Variants in RMDN2 observed in about 807,000 individuals in gnomAD.
RMDN2 encodes the protein regulator of microtubule dynamics protein 2.
Under a neutral mutation model 52.8 loss-of-function variants are expected in RMDN2, and 61 were observed. The observed-to-expected ratio is 1.16, with a 90% CI of 0.94 to 1.43. The LOEUF is 1.43. Among genes scored for constraint, RMDN2 ranks in the 40% most tolerant of loss-of-function variants. The probability of loss-of-function intolerance (pLI) is 0.00; values close to 1 mark genes in which losing one functional copy is unlikely to be tolerated. For synonymous variants in RMDN2, 180 were observed against 153.1 expected, an observed-to-expected ratio of 1.18 and a Z score of -1.30; for missense variants, 592 against 475.3, an observed-to-expected ratio of 1.25 and a Z score of -2.28.
intron 5 of RMDN2, among the ~76,000 whole-genome samples, chr2:37,987,904 C>T (rs1408642370): frequency 1.3e-5 from 2 of 151,968 alleles, no homozygotes; most frequent in Admixed American, 1.3e-4. Context: ...ACTAAAAATA[C>T]AAAAATTAGC....
At position 38,055,601 on chromosome 2, in the gene RMDN2, T is replaced by A. The variant is rs79260175; in HGVS notation, c.1714-11381T>A. On this transcript the variant is annotated intron_variant, in intron 10 of 10. Transcript: ENST00000234195. ...TCTTTTCATACAGTCATTTTTGAAG[T>A]ATCAGCTTGGTCCTCAGGTTAGCTC... Among the ~76,000 whole-genome samples, 62 of 152,264 alleles carry A rather than the reference T, an allele frequency of 4.1e-4. No individual in the cohort carries two copies. The East Asian group carries it at 9.5e-3, about 23-fold the overall frequency.
At chr2:37,984,647 C>G (rs1001319991) in intron 5 of RMDN2, among the ~76,000 whole-genome samples, 1 of 152,036 alleles carries the variant, frequency 6.6e-6, no homozygotes, top group Admixed American at 6.6e-5. Context: ...AGAAATACTG[C>G]AGGGAAATTA....
intron 8 of RMDN2, among the ~76,000 whole-genome samples, chr2:38,002,597 T>C (rs986770683): frequency 2.6e-5 from 4 of 152,360 alleles, no homozygotes; most frequent in Admixed American, 1.3e-4. Flanking sequence ...CTGTAAATTA[T>C]ATATATGTAA....
At chr2:38,051,131 G>A (rs576048124) in intron 10 of RMDN2, among the ~76,000 whole-genome samples, 17 of 152,294 alleles carry the variant, frequency 1.1e-4, no homozygotes, top group Non-Finnish European at 2.5e-4. Context: ...GATTAAGCTA[G>A]ACTTGAGGGC....
intron 10 of RMDN2, among the ~76,000 whole-genome samples, chr2:38,053,693 A>G (rs1681727858): frequency 6.6e-6 from 1 of 152,214 alleles, no homozygotes; most frequent in African/African-American, 2.4e-5. Context: ...GCTAAGTTGA[A>G]TTAATTTTCA....
intron 10 of RMDN2, among the ~76,000 whole-genome samples, chr2:38,052,197 T>TGATAATA: frequency 6.6e-6 from 1 of 152,234 alleles, no homozygotes; most frequent in Non-Finnish European, 1.5e-5. Flanking sequence ...TTGGTCTTTT[T>TGATAATA]GATAATAGAC....
intron 10 of RMDN2, among the ~76,000 whole-genome samples, chr2:38,010,800 A>C (rs1677872065): frequency 6.6e-6 from 1 of 152,006 alleles, no homozygotes; most frequent in South Asian, 2.1e-4. Context: ...CTTCTGCATC[A>C]CTCACGCTCG....
In RMDN2 at chr2:37,997,460, G is replaced by C. The variant is rs760876836; in HGVS notation, c.990G>C (p.Leu330=). 6 of 1,613,912 alleles carry C rather than the reference G, an allele frequency of 3.7e-6. No homozygotes were observed. The highest frequency in any genetic ancestry group is 4.2e-6 in the Non-Finnish European group (5 of 1,179,884). ...TTGAGAAAAAAATGGCTGCTACTCT[G>C]TTTGGAAAAATACCATCTTCAACTG... ...SWIEKKMAAT[L]FGKIPSSTVQ... The change falls in exon 8 of 11, where the codon CTG becomes CTC. Residue 330 remains leucine, a synonymous_variant. Coordinates refer to ENST00000354545, the MANE Select transcript of RMDN2 (RefSeq NM_001170791.3).
At chr2:37,979,507 G>T (rs1315223486) in intron 4 of RMDN2, among the ~76,000 whole-genome samples, 1 of 152,216 alleles carries the variant, frequency 6.6e-6, no homozygotes, top group African/African-American at 2.4e-5. Flanking sequence ...GCTTAGTACA[G>T]ATTTGATCAC....
At chr2:37,984,069 A>G (rs1673671072) in intron 5 of RMDN2, among the ~76,000 whole-genome samples, 1 of 152,234 alleles carries the variant, frequency 6.6e-6, no homozygotes, top group Admixed American at 6.5e-5. Flanking sequence ...TTTGAAACAA[A>G]AGATGTAATC....
At position 38,051,376 on chromosome 2, in the gene RMDN2, T is replaced by G. The variant is rs77846470; in HGVS notation, c.1714-15606T>G. On this transcript the variant is annotated intron_variant, in intron 10 of 10. Coordinates refer to the RMDN2 transcript ENST00000234195. ...AATGCAATCAGGTGGAAGGAAAAAT[T>G]TTGAGTGACTGTTCTTTTTTTAGTT... Among the ~76,000 whole-genome samples, 67 of 152,272 alleles carry G rather than the reference T, an allele frequency of 4.4e-4. No individual in the cohort carries two copies. In the East Asian group the frequency reaches 9.5e-3, roughly 22 times the overall value.
intron 10 of RMDN2, among the ~76,000 whole-genome samples, chr2:38,059,051 A>G (rs1033709999): frequency 3.9e-5 from 6 of 152,214 alleles, no homozygotes; most frequent in Non-Finnish European, 8.8e-5. Context: ...CGTCCAATAA[A>G]TTGAAATGGG....
intron 10 of RMDN2, among the ~76,000 whole-genome samples, chr2:38,052,705 A>G (rs1211537685): frequency 6.6e-6 from 1 of 152,176 alleles, no homozygotes; most frequent in Non-Finnish European, 1.5e-5. Context: ...ATCCTCAGAC[A>G]ACTTGTCTTT....
At chr2:37,982,489 C>G (rs935373411) in intron 5 of RMDN2, among the ~76,000 whole-genome samples, 11 of 152,284 alleles carry the variant, frequency 7.2e-5, no homozygotes, top group African/African-American at 2.4e-4. Flanking sequence ...AGCACCCTAA[C>G]CCTGTAGAAA....
At chr2:37,955,552 A>G (rs1013346374) in intron 2 of RMDN2, among the ~76,000 whole-genome samples, 2 of 152,036 alleles carry the variant, frequency 1.3e-5, no homozygotes, top group African/African-American at 2.4e-5. Context: ...GAATTCCCAC[A>G]TGTTGTGGGA....
At chr2:37,935,379 A>T (rs1384613043) in intron 2 of RMDN2, among the ~76,000 whole-genome samples, 1 of 152,186 alleles carries the variant, frequency 6.6e-6, no homozygotes, top group African/African-American at 2.4e-5. Context: ...TCTTAACATT[A>T]CTTGCTCCTG....
At chr2:38,058,764 A>G (rs1458424352) in intron 10 of RMDN2, among the ~76,000 whole-genome samples, 2 of 151,730 alleles carry the variant, frequency 1.3e-5, no homozygotes, top group African/African-American at 2.4e-5. Flanking sequence ...TTTATTTCCT[A>G]TTGCGACCTG....
intron 8 of RMDN2, 138 bp from the exon 9 acceptor site, chr2:38,003,853 A>C (rs1676688262): frequency 2.9e-6 from 2 of 680,254 alleles, no homozygotes; most frequent in South Asian, 1.8e-5. Context: ...AAGTGATTCA[A>C]ATGTGAAACA....
At chr2:38,035,794 C>G (rs1341584255) in intron 10 of RMDN2, 1 of 152,138 alleles carries the variant, frequency 6.6e-6, no homozygotes, top group Non-Finnish European at 1.5e-5. Context: ...TTAGTTTTCT[C>G]ATAGCACCAT....
Sources: allele counts gnomAD v4.1 joint callset (sites outside exome capture counted in the v4.1 genomes callset), GRCh38; gene constraint gnomAD v4.1.1; transcripts MANE v1.5; gene names NCBI Gene and HGNC (gene_info 2026-07-23, HGNC 2026-07-21).